The following SND1 variants were observed in gnomAD, a reference collection of about 807,000 sequenced individuals.
SND1 encodes staphylococcal nuclease and tudor domain containing 1, also known as staphylococcal nuclease domain-containing protein 1.
A neutral mutation model predicts 121.7 loss-of-function variants in SND1; 38 were observed. The observed-to-expected ratio is 0.31, with a 90% CI of 0.24 to 0.41. The LOEUF is 0.41. SND1 is among the 10% of genes least tolerant of loss of function. The pLI is 1.00. For missense variants in SND1, 868 were observed against 1,184.6 expected (o/e 0.73, Z 3.92); for synonymous variants, 401 against 447.4 (o/e 0.90, Z 1.31).
Position 127,766,603 on chromosome 7 carries a change from G to T in SND1, c.1153-40881G>T, listed in dbSNP as rs180721118. Among the ~76,000 whole-genome samples, 15 of 151,516 alleles carry T rather than the reference G, an allele frequency of 9.9e-5. No homozygotes were observed. In the East Asian group the frequency reaches 2.7e-3, roughly 28 times the overall value. ...ATCCTGGCCAACGTGGTGAAACCCC[G>T]TCTCTACTAAAAATACAAAAAATTA... On this transcript the variant is annotated intron_variant, in intron 10 of 23. Transcript: ENST00000354725.
intron 10 of SND1, among the ~76,000 whole-genome samples, chr7:127,772,848 T>C (rs1797540152): frequency 6.6e-6 from 1 of 152,228 alleles, no homozygotes; most frequent in South Asian, 2.1e-4. Context: ...AAAGTGTCAA[T>C]CTCAGAATTT....
At chr7:127,683,495 G>C (rs1795762553) in intron 1 of SND1, among the ~76,000 whole-genome samples, 1 of 152,210 alleles carries the variant, frequency 6.6e-6, no homozygotes, top group South Asian at 2.1e-4. Flanking sequence ...GAGATTACAA[G>C]CTTGAGCCAT....
At chr7:128,005,415 C>G (rs1802940212) in intron 16 of SND1, among the ~76,000 whole-genome samples, 1 of 152,226 alleles carries the variant, frequency 6.6e-6, no homozygotes, top group Admixed American at 6.5e-5. Flanking sequence ...TTTCATCTGT[C>G]CTTCCTCTTT....
At chr7:127,757,719 A>G (rs1029625327) in intron 10 of SND1, among the ~76,000 whole-genome samples, 1 of 152,146 alleles carries the variant, frequency 6.6e-6, no homozygotes, top group Non-Finnish European at 1.5e-5. Flanking sequence ...AGTTTTTGGA[A>G]TTGGGTTGTT....
At position 127,707,633 on chromosome 7, in the gene SND1, C is replaced by T; in HGVS notation, c.1024C>T (p.Gln342Ter). 6.2e-7 allele frequency: 1 copy of T among 1,613,996 alleles called. No individual in the cohort carries two copies. The highest frequency in any genetic ancestry group is 8.5e-7 in the Non-Finnish European group (1 of 1,179,892). ...AGCTAATTTGGACCAAAAGGACAAG[C>T]AGTTTGTTGCCAAGGTGAGTCATTC... ...PTANLDQKDK[Q>*]FVAKVMQVLN... The change falls in exon 9 of 24, where the codon CAG becomes TAG. Residue 342 changes from glutamine to a stop codon, truncating the protein, a stop_gained. Transcript: ENST00000354725. LOFTEE classifies it high-confidence loss of function.
At chr7:127,931,024 A>C (rs1227649807) in intron 15 of SND1, among the ~76,000 whole-genome samples, 1 of 152,112 alleles carries the variant, frequency 6.6e-6, no homozygotes, top group Non-Finnish European at 1.5e-5. Flanking sequence ...TATTATTTCA[A>C]TTGTTTCGGG....
intron 10 of SND1, among the ~76,000 whole-genome samples, chr7:127,784,266 T>A (rs1220370500): frequency 3.3e-5 from 5 of 152,194 alleles, no homozygotes; most frequent in Admixed American, 3.3e-4. Context: ...AAAGTTTTCT[T>A]CACTTTTGCA....
At chr7:127,960,150 A>G (rs1019274652) in intron 15 of SND1, among the ~76,000 whole-genome samples, 17 of 152,348 alleles carry the variant, frequency 1.1e-4, no homozygotes, top group Middle Eastern at 3.4e-3. Context: ...CCAGGCTCAC[A>G]TTACAATATC....
At chr7:127,676,070 A>G (rs563219882) in intron 1 of SND1, among the ~76,000 whole-genome samples, 7 of 152,298 alleles carry the variant, frequency 4.6e-5, no homozygotes, top group Middle Eastern at 6.8e-3. Context: ...CTTTTATGTA[A>G]GTCATCGATA....
chr7:127,801,619 C>T (rs1357451645), intron 10 of SND1, among the ~76,000 whole-genome samples: 1 of 152,168 alleles, frequency 6.6e-6, no homozygotes, highest in East Asian at 1.9e-4. Flanking sequence ...TTCTCTCTCT[C>T]CTTTGCTCAC....
intron 17 of SND1, among the ~76,000 whole-genome samples, chr7:128,080,916 C>T: frequency 6.6e-6 from 1 of 151,998 alleles, no homozygotes; most frequent in East Asian, 1.9e-4. Context: ...TTCAGGGGCT[C>T]AGCCTGGTGT....
At chr7:127,884,833 C>T (rs1799863881) in intron 12 of SND1, among the ~76,000 whole-genome samples, 1 of 152,176 alleles carries the variant, frequency 6.6e-6, no homozygotes, top group African/African-American at 2.4e-5. Flanking sequence ...TCCACTGCTA[C>T]AGGGTTCATT....
At chr7:127,770,596 A>G (rs906328782) in intron 10 of SND1, among the ~76,000 whole-genome samples, 2 of 152,184 alleles carry the variant, frequency 1.3e-5, no homozygotes, top group African/African-American at 4.8e-5. Context: ...AATAGCTGGT[A>G]AGTGGAGTCT....
At chr7:128,028,549 G>GT (rs906874993) in intron 16 of SND1, 112 of 831,394 alleles carry the variant, frequency 1.3e-4, no homozygotes, top group South Asian at 2.0e-4. Flanking sequence ...AATATAATCT[G>GT]TTTTTTTTAA....
chr7:127,921,980 G>C (rs1307884419), intron 14 of SND1, among the ~76,000 whole-genome samples: 1 of 151,534 alleles, frequency 6.6e-6, no homozygotes, highest in Non-Finnish European at 1.5e-5. Context: ...TCTTTGCTTT[G>C]CCTTGCTTTG....
intron 17 of SND1, among the ~76,000 whole-genome samples, chr7:128,079,908 G>T (rs573978960): frequency 3.8e-4 from 58 of 152,190 alleles, no homozygotes; most frequent in Admixed American, 2.5e-3. Context: ...GTTTTCTCAG[G>T]GATACCTAGT....
chr7:127,807,383 TAA>T (rs2116575875), intron 10 of SND1, 99 bp from the exon 11 acceptor site: 1 of 880,890 alleles, frequency 1.1e-6, no homozygotes, highest in South Asian at 1.5e-5. Flanking sequence ...TTTGCGATAC[TAA>T]GAGATAACCA....
chr7:127,984,947 T>C (rs1802350503), intron 15 of SND1, among the ~76,000 whole-genome samples: 1 of 152,206 alleles, frequency 6.6e-6, no homozygotes, highest in Non-Finnish European at 1.5e-5. Context: ...CCTGCGGGGA[T>C]TGTGTTTTAA....
In SND1 at chr7:128,084,850, A is replaced by G; in HGVS notation, c.2234+3A>G. The stretch of plus-strand genomic sequence containing the variant: ...GCCAAATTTGTAGATGGAGAATGGT[A>G]AGCCACTTGGAAAAGCAAGGCAGAG... On this transcript the variant is annotated splice_donor_region_variant and intron_variant, in intron 19 of 23. Transcript: ENST00000354725. 1 of 1,589,474 alleles carries G rather than the reference A, an allele frequency of 6.3e-7. No individual in the cohort carries two copies. Among genetic ancestry groups the G allele is most frequent in the East Asian group, 2.3e-5 (1 of 43,700 alleles).
Sources: gnomAD v4.1 joint callset for allele counts (sites outside exome capture counted in the v4.1 genomes callset) on GRCh38, gnomAD v4.1.1 for gene constraint, MANE v1.5 for transcripts, NCBI Gene and HGNC (gene_info 2026-07-23, HGNC 2026-07-21) for gene names.